CFAP298: variants seen among roughly 807,000 people sequenced by gnomAD.
CFAP298 encodes cilia- and flagella-associated protein 298.
Under a neutral mutation model 41.0 loss-of-function variants are expected in CFAP298, and 38 were observed. The ratio of observed to expected loss-of-function variants is 0.93; its 90% CI spans 0.72 to 1.22. The LOEUF (loss-of-function observed/expected upper bound fraction) is 1.22, where lower values mean the gene tolerates loss of function less well. CFAP298 is among the 50% of genes most tolerant of loss of function. The pLI is 0.00. For synonymous variants in CFAP298, 137 were observed against 135.3 expected (o/e 1.01, Z -0.09); for missense variants, 348 against 360.3 (o/e 0.97, Z 0.28).
intron 3 of CFAP298, among the ~76,000 whole-genome samples, chr21:32,606,352 G>C (rs1247558196): frequency 2.0e-5 from 3 of 152,204 alleles, no homozygotes; most frequent in African/African-American, 7.2e-5. Context: ...GAGTAGATAA[G>C]ATACTGAGAG....
chr21:32,610,112 G>A lies in CFAP298; in HGVS notation c.140-107C>T, dbSNP rs1027185980. On this transcript the variant is annotated intron_variant, in intron 1 of 6. Transcript: ENST00000290155. The stretch of plus-strand genomic sequence containing the variant: ...TTGCCCATCTGGCTCACTATTTTAT[G>A]GAACAAACATTTATATGCCACTTGC... The A allele has an allele frequency of 5.9e-6, 6 of 1,009,958 alleles. No homozygotes were observed. In the Admixed American group the frequency reaches 1.3e-4, roughly 22 times the overall value. The allele number at this position is 1,009,958 out of a possible 1,614,324, so 62.6% of individuals were successfully genotyped here.
rs187908940 is a variant in CFAP298, at chr21:32,600,704, G to A, written c.*1159C>T. Among the ~76,000 whole-genome samples, 3 of 152,328 alleles carry A rather than the reference G, an allele frequency of 2.0e-5. No individual in the cohort carries two copies. The highest frequency in any genetic ancestry group is 4.8e-5 in the African/African-American group (2 of 41,566). On this transcript the variant is annotated 3_prime_UTR_variant, in exon 7 of 7. Coordinates refer to ENST00000290155, the MANE Select transcript of CFAP298 (RefSeq NM_021254.4). ...AATGGTGTCCTAGATACTCAGTTAG[G>A]ATGATAGTGATCCCATCCATCCCGT...
chr21:32,602,243 C>G, intron 6 of CFAP298, 29 bp downstream of exon 6: 2 of 1,605,780 alleles, frequency 1.2e-6, no homozygotes, highest in East Asian at 4.5e-5. Context: ...GGCGCCAGCA[C>G]TGCAGAAAGC....
rs1463303679 is a variant in CFAP298, at chr21:32,601,490, G to A, written c.*373C>T. On this transcript the variant is annotated 3_prime_UTR_variant, in exon 7 of 7. Coordinates refer to ENST00000290155, the MANE Select transcript of CFAP298 (RefSeq NM_021254.4). ...TTTTTTGTATTTTTAGTAGAGACGG[G>A]GTTTCACCGTGTTAGCCTGGATGGT... 1.3e-5 allele frequency among the ~76,000 whole-genome samples: 2 copies of A among 151,774 alleles called. No homozygotes were observed. Among genetic ancestry groups the A allele is most frequent in the East Asian group, 1.9e-4 (1 of 5,142 alleles).
At chr21:32,607,854 G>T in intron 2 of CFAP298, 138 bp from the exon 3 acceptor site, 1 of 578,314 alleles carries the variant, frequency 1.7e-6, no homozygotes, top group Non-Finnish European at 3.0e-6. Context: ...GGGAAGAGAA[G>T]CAAGAAACCT....
Position 32,601,783 on chromosome 21 carries a change from CCTT to C in CFAP298, c.*77_*79del. 1 of 734,754 alleles carries C rather than the reference CCTT, an allele frequency of 1.4e-6. No individual in the cohort carries two copies. Among genetic ancestry groups the C allele is most frequent in the Non-Finnish European group, 2.3e-6 (1 of 428,376 alleles). The allele number at this position is 734,754 out of a possible 1,614,324, so 45.5% of individuals were successfully genotyped here. A position where few individuals can be genotyped will look rare whatever the true frequency, so the allele number is the denominator to read the frequency against. ...ATCTTTTACAGAGGGCAGTAAGTGG[CCTT>C]TTTTTTTTTTTTAAATTATAATTGC... On this transcript the variant is annotated 3_prime_UTR_variant, in exon 7 of 7. Coordinates refer to ENST00000290155, the MANE Select transcript of CFAP298 (RefSeq NM_021254.4).
intron 4 of CFAP298, 25 bp downstream of exon 4, chr21:32,604,100 G>A (rs776630292): frequency 3.1e-6 from 5 of 1,607,458 alleles, no homozygotes; most frequent in Non-Finnish European, 4.3e-6. Flanking sequence ...TCAACCTCCA[G>A]AGTACCCACT....
chr21:32,611,339 A>ATATATAT (rs1555884102), intron 1 of CFAP298, among the ~76,000 whole-genome samples: 1 of 124,090 alleles, frequency 8.1e-6, no homozygotes, highest in African/African-American at 3.7e-5. Flanking sequence ...ATATATATAT[A>ATATATAT]ATTTATTTAT....
At position 32,601,823 on chromosome 21, in the gene CFAP298, G is replaced by A; in HGVS notation, c.*40C>T. 9.7e-7 allele frequency: 1 copy of A among 1,031,502 alleles called. No homozygotes were observed. The highest frequency in any genetic ancestry group is 1.5e-6 in the Non-Finnish European group (1 of 659,212). The allele number at this position is 1,031,502 out of a possible 1,614,324, so 63.9% of individuals were successfully genotyped here. ...TAAATTATAATTGCCTAGGAGAAAG[G>A]TGAGCTAATCTCTTTGGAAGTGTCA... is the stretch of plus-strand genomic sequence containing the variant. On this transcript the variant is annotated 3_prime_UTR_variant, in exon 7 of 7. Transcript: ENST00000290155.
chr21:32,599,506 C>A lies in CFAP298; in HGVS notation c.*2357G>T, dbSNP rs970696691. Among the ~76,000 whole-genome samples, 2 of 152,180 alleles carry A rather than the reference C, an allele frequency of 1.3e-5. No individual in the cohort carries two copies. The highest frequency in any genetic ancestry group is 4.8e-5 in the African/African-American group (2 of 41,438). ...GGTTTCCTTTTGATATTGACTCAAA[C>A]AGGGACTGGATTAAAAAAAGAAGAA... On this transcript the variant is annotated 3_prime_UTR_variant, in exon 7 of 7. Transcript: ENST00000290155.
intron 1 of CFAP298, among the ~76,000 whole-genome samples, chr21:32,610,308 G>A (rs904112428): frequency 1.3e-4 from 20 of 152,114 alleles, no homozygotes; most frequent in Non-Finnish European, 2.4e-4. Context: ...ATTGCCTCCC[G>A]GGTTCAAGCG....
rs768339606 is a variant in CFAP298, at chr21:32,602,258, C to T, written c.762+14G>A. The T allele has an allele frequency of 3.0e-5, 49 of 1,613,114 alleles. No individual in the cohort carries two copies. Among genetic ancestry groups the T allele is most frequent in the Admixed American group, 1.2e-4 (7 of 60,014 alleles). The stretch of plus-strand genomic sequence containing the variant: ...GGCGCCAGCACTGCAGAAAGCCCAT[C>T]TGTCCCCTGCTACCTTGAGCTCCTC... On this transcript the variant is annotated intron_variant, in intron 6 of 6. Transcript: ENST00000290155.
intron 1 of CFAP298, among the ~76,000 whole-genome samples, chr21:32,610,932 AGTATCATCCCGTC>A (rs2038976755): frequency 6.6e-6 from 1 of 152,160 alleles, no homozygotes; most frequent in African/African-American, 2.4e-5. Flanking sequence ...CACATCAGGA[AGTATCATCCCGTC>A]AAGTTCAAAA....
rs930493406 is a variant in CFAP298, at chr21:32,607,298, A to AC, written c.375+350_375+351insG. On this transcript the variant is annotated intron_variant, in intron 3 of 6. Transcript: ENST00000290155. ...AAGCCAGAGTTGGAGTTTTATCTCAAAAGACAAGTTTTAGGCCGGGCGCGG... is the reference window on the plus strand; with the variant it reads ...AAGCCAGAGTTGGAGTTTTATCTCAACAAGACAAGTTTTAGGCCGGGCGCGG... Among the ~76,000 whole-genome samples, 7 of 152,296 alleles carry AC rather than the reference A, an allele frequency of 4.6e-5. 1 individual carries two copies. The highest frequency in any genetic ancestry group is 6.5e-5 in the Admixed American group (1 of 15,306).
rs113177611 is a variant in CFAP298 at position 32,607,171 on chromosome 21, C to T, written c.375+478G>A. Among the ~76,000 whole-genome samples, 346 of 152,164 alleles carry T rather than the reference C, an allele frequency of 2.3e-3. 4 individuals are homozygous for T. The highest frequency in any genetic ancestry group is 7.8e-3 in the African/African-American group (324 of 41,500). ...AGGAACGGAGAGGCCTCTGGGCAACCGTCAGGATTATGAAAGGAAAAGCTA... is the reference window on the plus strand; with the variant it reads ...AGGAACGGAGAGGCCTCTGGGCAACTGTCAGGATTATGAAAGGAAAAGCTA... On this transcript the variant is annotated intron_variant, in intron 3 of 6. Coordinates refer to ENST00000290155, the MANE Select transcript of CFAP298 (RefSeq NM_021254.4).
At chr21:32,607,322 G>A (rs1448261869) in intron 3 of CFAP298, among the ~76,000 whole-genome samples, 3 of 152,186 alleles carry the variant, frequency 2.0e-5, no homozygotes, top group African/African-American at 4.8e-5. Context: ...GGCCGGGCGC[G>A]GTGGCTCATG....
chr21:32,609,988 C>A lies in CFAP298; in HGVS notation c.157G>T (p.Glu53Ter). ...RLCSEMEELA[E>*]HGIFLPPNMQ... ...TTAGGAGGGAGAAATATGCCATGTTCGGCTAATTCTTCCATTTCTTAAAAA... is the reference window on the plus strand; with the variant it reads ...TTAGGAGGGAGAAATATGCCATGTTAGGCTAATTCTTCCATTTCTTAAAAA... Residue 53 changes from glutamate (E) to a stop codon, truncating the protein, a stop_gained, in exon 2 of 7, where the codon GAA (glutamate) becomes TAA (stop). Coordinates refer to ENST00000290155, the MANE Select transcript of CFAP298 (RefSeq NM_021254.4). LOFTEE classifies it high-confidence loss of function. The A allele has an allele frequency of 6.2e-7, 1 of 1,613,082 alleles. No individual in the cohort carries two copies. The highest frequency in any genetic ancestry group is 8.5e-7 in the Non-Finnish European group (1 of 1,179,604).
chr21:32,600,228 G>C lies in CFAP298; in HGVS notation c.*1635C>G, dbSNP rs2038713264. Among the ~76,000 whole-genome samples, 1 of 152,176 alleles carries C rather than the reference G, an allele frequency of 6.6e-6. No homozygotes were observed. Among genetic ancestry groups the C allele is most frequent in the Admixed American group, 6.5e-5 (1 of 15,270 alleles). ...CATTTAAAACTATAACCAAGTAAAAGAGAAAATAGATGCAAATTTGCTTTT... is the reference window on the plus strand; with the variant it reads ...CATTTAAAACTATAACCAAGTAAAACAGAAAATAGATGCAAATTTGCTTTT... On this transcript the variant is annotated 3_prime_UTR_variant, in exon 7 of 7. Transcript: ENST00000290155.
At chr21:32,602,153 T>G (rs1290827558) in intron 6 of CFAP298, 119 bp downstream of exon 6, 2 of 1,035,620 alleles carry the variant, frequency 1.9e-6, no homozygotes, top group Non-Finnish European at 2.9e-6. Flanking sequence ...AGACAGAAGC[T>G]CTAGAAAGAC....
Sources: gnomAD v4.1 joint callset for allele counts (sites outside exome capture counted in the v4.1 genomes callset) on GRCh38, gnomAD v4.1.1 for gene constraint, MANE v1.5 for transcripts, NCBI Gene and HGNC (gene_info 2026-07-23, HGNC 2026-07-21) for gene names.